The following ZNF608 variants were observed in gnomAD, a reference collection of about 807,000 sequenced individuals.
ZNF608 encodes the protein zinc finger protein 608, also known as renal carcinoma antigen NY-REN-36.
ZNF608 carries 12 observed loss-of-function variants against 109.0 expected under a neutral mutation model. The ratio of observed to expected loss-of-function variants is 0.11; its 90% CI spans 0.07 to 0.18. The LOEUF is 0.18. Ranked by LOEUF, ZNF608 falls within the 10% of genes least tolerant of loss-of-function variation. The pLI, the probability that ZNF608 is intolerant of heterozygous loss-of-function variation, is 1.00. For synonymous variants in ZNF608, 732 were observed against 717.4 expected, an observed-to-expected ratio of 1.02 and a Z score of -0.33; for missense variants, 1,707 against 1,879.3, an observed-to-expected ratio of 0.91 and a Z score of 1.70.
At chr5:124,739,636 TG>T (rs1344877217) in intron 2 of ZNF608, among the ~76,000 whole-genome samples, 2 of 152,228 alleles carry the variant, frequency 1.3e-5, no homozygotes, top group Non-Finnish European at 2.9e-5. Flanking sequence ...TAAATAAAAG[TG>T]GAACTGGTTA....
chr5:124,659,806 C>T (rs1034194872), intron 3 of ZNF608, among the ~76,000 whole-genome samples: 2 of 152,192 alleles, frequency 1.3e-5, no homozygotes, highest in African/African-American at 4.8e-5. Context: ...ACAGTGGGAA[C>T]CAATTGACAA....
chr5:124,705,685 C>T (rs1262510545), intron 2 of ZNF608, among the ~76,000 whole-genome samples: 1 of 152,172 alleles, frequency 6.6e-6, no homozygotes, highest in Non-Finnish European at 1.5e-5. Context: ...CCTTGAGAAG[C>T]TCAGCCTGGG....
At chr5:124,716,433 C>T (rs1753708506) in intron 2 of ZNF608, among the ~76,000 whole-genome samples, 1 of 151,846 alleles carries the variant, frequency 6.6e-6, no homozygotes, top group African/African-American at 2.4e-5. Flanking sequence ...TATCAATAAA[C>T]ATTTATTCCC....
At chr5:124,724,880 G>T (rs1001541576) in intron 2 of ZNF608, among the ~76,000 whole-genome samples, 2 of 152,082 alleles carry the variant, frequency 1.3e-5, no homozygotes, top group Non-Finnish European at 2.9e-5. Flanking sequence ...ACTGAGATAC[G>T]TTTAGAACTT....
intron 3 of ZNF608, among the ~76,000 whole-genome samples, chr5:124,655,089 A>G (rs1750949362): frequency 6.6e-6 from 1 of 152,176 alleles, no homozygotes. Context: ...GACTGACGAG[A>G]GAGAGAGTCT....
Position 124,745,094 on chromosome 5 carries a change from C to A in ZNF608, c.-105G>T, listed in dbSNP as rs969794852. On this transcript the variant is annotated 5_prime_UTR_variant, in exon 2 of 10. Transcript: ENST00000513986. ...GCTTTCTCTCAAAGAAAAAAAAAAT[C>A]TTCTAATCTTCCTCTTCTTTTTCCT... 9 of 1,464,500 alleles carry A rather than the reference C, an allele frequency of 6.1e-6. No homozygotes were observed. The highest frequency in any genetic ancestry group is 1.4e-5 in the African/African-American group (1 of 70,150). The allele number at this position is 1,464,500 out of a possible 1,614,324, so 90.7% of individuals were successfully genotyped here.
At chr5:124,675,881 G>A (rs1028453639) in intron 3 of ZNF608, among the ~76,000 whole-genome samples, 1 of 152,182 alleles carries the variant, frequency 6.6e-6, no homozygotes, top group African/African-American at 2.4e-5. Flanking sequence ...CTAAATTCTT[G>A]ATGAAAATAA....
chr5:124,746,874 G>A, upstream of ZNF608: 1 of 726,896 alleles, frequency 1.4e-6, no homozygotes, highest in Non-Finnish European at 1.7e-6. Flanking sequence ...AAAAAGAAAG[G>A]TGTGGAGGAG....
intron 2 of ZNF608, among the ~76,000 whole-genome samples, chr5:124,706,180 T>G (rs1402547525): frequency 1.3e-5 from 2 of 152,184 alleles, no homozygotes; most frequent in Non-Finnish European, 2.9e-5. Context: ...CACTGGGGGT[T>G]GGAATCCAGC....
At chr5:124,699,097 T>C (rs1752951259) in intron 3 of ZNF608, among the ~76,000 whole-genome samples, 1 of 152,242 alleles carries the variant, frequency 6.6e-6, no homozygotes, top group Non-Finnish European at 1.5e-5. Context: ...AAATTACCCT[T>C]ACACTTTCCA....
intron 3 of ZNF608, among the ~76,000 whole-genome samples, chr5:124,679,003 C>T (rs984389931): frequency 2.0e-5 from 3 of 152,216 alleles, no homozygotes; most frequent in Admixed American, 6.5e-5. Flanking sequence ...AACAATTCCA[C>T]TGTGAGCTAC....
At chr5:124,708,872 A>T in intron 2 of ZNF608, 1 of 432,790 alleles carries the variant, frequency 2.3e-6, no homozygotes, top group South Asian at 1.6e-5. Context: ...CCAAAATTCC[A>T]GAATGCCAAA....
intron 2 of ZNF608, among the ~76,000 whole-genome samples, chr5:124,716,198 T>C (rs2149873426): frequency 6.6e-6 from 1 of 150,382 alleles, no homozygotes; most frequent in Admixed American, 6.6e-5. Context: ...TTGCTTTACG[T>C]ATCAAAACTA....
At chr5:124,665,530 G>C (rs1334820237) in intron 3 of ZNF608, among the ~76,000 whole-genome samples, 2 of 152,212 alleles carry the variant, frequency 1.3e-5, no homozygotes, top group Non-Finnish European at 2.9e-5. Context: ...GAAGGAGCCT[G>C]TCTCAGTTGG....
At position 124,647,735 on chromosome 5, in the gene ZNF608, G is replaced by C; in HGVS notation, c.2649C>G (p.Ala883=). 1 of 1,614,140 alleles carries C rather than the reference G, an allele frequency of 6.2e-7. No individual in the cohort carries two copies. The highest frequency in any genetic ancestry group is 1.1e-5 in the South Asian group (1 of 91,086). ...ESRMASIKAE[A]DKVYTFTDNA... ...TGTCTGTGAAAGTGTAAACCTTATC[G>C]GCCTCAGCTTTGATACTGGCCATGC... The change falls in exon 5 of 10, where the codon GCC becomes GCG. Residue 883 remains alanine, a synonymous_variant. Coordinates refer to ENST00000513986, the MANE Select transcript of ZNF608 (RefSeq NM_020747.3).
chr5:124,683,285 G>C lies in ZNF608; in HGVS notation c.1162+17729C>G, dbSNP rs182075567. ...CTGAGCCAGAGGCACCAGCTAAGTT[G>C]CTCCCAGATTCCTGACCCATGGAAA... is the stretch of plus-strand genomic sequence containing the variant. On this transcript the variant is annotated intron_variant, in intron 3 of 9. Coordinates refer to ENST00000513986, the MANE Select transcript of ZNF608 (RefSeq NM_020747.3). 1.4e-4 allele frequency among the ~76,000 whole-genome samples: 21 copies of C among 152,286 alleles called. No individual in the cohort carries two copies. The East Asian group carries it at 3.9e-3, about 28-fold the overall frequency.
At chr5:124,693,138 C>T (rs1285968070) in intron 3 of ZNF608, among the ~76,000 whole-genome samples, 5 of 152,108 alleles carry the variant, frequency 3.3e-5, no homozygotes, top group East Asian at 1.9e-4. Context: ...ACCTTAAGTG[C>T]GTAGATTTTA....
rs375497880 is a variant in ZNF608 at position 124,641,380 on chromosome 5, C to T, written c.4322G>A (p.Arg1441Gln). Reference sequence around the variant, plus strand: ...CCTTTCCCTTTCTGCCTCCCGTTCCCGCTCAGCTGTAGCCTTTTCCACAGG... The same window carrying T: ...CCTTTCCCTTTCTGCCTCCCGTTCCTGCTCAGCTGTAGCCTTTTCCACAGG... ...PAPVEKATAE[R>Q]EREAERERDR... The change falls in exon 8 of 10, where the codon CGG becomes CAG. Residue 1441 changes from arginine (R) to glutamine (Q), a missense_variant. Transcript: ENST00000513986. 25 of 1,613,788 alleles carry T rather than the reference C, an allele frequency of 1.5e-5. No homozygotes were observed. In the African/African-American group the frequency reaches 1.6e-4, roughly 10 times the overall value.
Position 124,701,283 on chromosome 5 carries a change from A to G in ZNF608, c.907-14T>C. The G allele has an allele frequency of 6.2e-7, 1 of 1,613,758 alleles. No homozygotes were observed. The highest frequency in any genetic ancestry group is 8.5e-7 in the Non-Finnish European group (1 of 1,179,816). The stretch of plus-strand genomic sequence containing the variant: ...CAGGGGGTCAACCTGAAAGACAGAC[A>G]GGCTTACTGCAGTAGTGCTGCATTC... On this transcript the variant is annotated splice_polypyrimidine_tract_variant and intron_variant, in intron 2 of 9. Coordinates refer to ENST00000513986, the MANE Select transcript of ZNF608 (RefSeq NM_020747.3).
Sources: gnomAD v4.1 joint callset for allele counts (sites outside exome capture counted in the v4.1 genomes callset) on GRCh38, gnomAD v4.1.1 for gene constraint, MANE v1.5 for transcripts, NCBI Gene and HGNC (gene_info 2026-07-23, HGNC 2026-07-21) for gene names.